Variants in RBMS3 observed in about 807,000 individuals in gnomAD.
RBMS3 encodes RNA binding motif single stranded interacting protein 3, also known as RNA-binding motif, single-stranded-interacting protein 3.
RBMS3 carries 27 observed loss-of-function variants against 66.8 expected under a neutral mutation model. The ratio of observed to expected loss-of-function variants is 0.40; its 90% CI spans 0.30 to 0.56. The LOEUF (loss-of-function observed/expected upper bound fraction) is 0.56, where lower values mean the gene tolerates loss of function less well. Ranked by LOEUF, RBMS3 falls within the 20% of genes least tolerant of loss-of-function variation. RBMS3 has a pLI of 0.40. For missense variants in RBMS3, 513 were observed against 549.5 expected (o/e 0.93, Z 0.66); for synonymous variants, 188 against 183.0 (o/e 1.03, Z -0.22).
At chr3:29,979,657 A>T (rs189778439) in intron 12 of RBMS3, among the ~76,000 whole-genome samples, 1 of 151,490 alleles carries the variant, frequency 6.6e-6, no homozygotes, top group African/African-American at 2.4e-5. Flanking sequence ...TCATTGTTCA[A>T]CTCCCACTTA....
intron 2 of RBMS3, among the ~76,000 whole-genome samples, chr3:29,488,082 GA>G (rs2043389310): frequency 2.6e-5 from 4 of 152,192 alleles, no homozygotes; most frequent in Non-Finnish European, 4.4e-5. Context: ...CACAAGGTGA[GA>G]GTCAGAGCTG....
chr3:29,360,564 T>C (rs1334079314), intron 1 of RBMS3, among the ~76,000 whole-genome samples: 3 of 152,004 alleles, frequency 2.0e-5, no homozygotes, highest in African/African-American at 7.3e-5. Flanking sequence ...CTATTAGGTC[T>C]GCTTGGTGCA....
chr3:29,559,272 TG>T (rs1423235164), intron 3 of RBMS3, among the ~76,000 whole-genome samples: 1 of 151,938 alleles, frequency 6.6e-6, no homozygotes, highest in Non-Finnish European at 1.5e-5. Flanking sequence ...ATTGTCTTCT[TG>T]GTAAAGCTCC....
intron 3 of RBMS3, among the ~76,000 whole-genome samples, chr3:29,541,550 C>T (rs1266172294): frequency 2.0e-5 from 3 of 152,114 alleles, no homozygotes; most frequent in African/African-American, 4.8e-5. Context: ...GCCACAACCT[C>T]GTGTAAGCGC....
chr3:29,931,415 A>G (rs2061120935), intron 10 of RBMS3, among the ~76,000 whole-genome samples: 1 of 152,176 alleles, frequency 6.6e-6, no homozygotes. Flanking sequence ...GCATTTGTCA[A>G]ATCCTTCCAA....
chr3:29,771,449 C>A (rs1222244092), intron 6 of RBMS3, among the ~76,000 whole-genome samples: 1 of 151,870 alleles, frequency 6.6e-6, no homozygotes, highest in Non-Finnish European at 1.5e-5. Context: ...AAGCAAATAC[C>A]TAGTTGTGGT....
intron 1 of RBMS3, among the ~76,000 whole-genome samples, chr3:29,318,349 A>G (rs1195582465): frequency 6.6e-6 from 1 of 151,894 alleles, no homozygotes; most frequent in Non-Finnish European, 1.5e-5. Flanking sequence ...GCAAGACAAA[A>G]TGATCATTCA....
rs2059798575 is a variant in RBMS3 at position 29,884,017 on chromosome 3, G to T, written c.745-145G>T. 3 of 622,306 alleles carry T rather than the reference G, an allele frequency of 4.8e-6. No individual in the cohort carries two copies. In the Admixed American group the frequency reaches 9.8e-5, roughly 20 times the overall value. The allele number at this position is 622,306 out of a possible 1,614,324, so 38.5% of individuals were successfully genotyped here. ...TGTGGATAGTAAAAATGCTAGTCTT[G>T]GCAGTAAGCATAGAGATATACATAG... On this transcript the variant is annotated intron_variant, in intron 7 of 14. Coordinates refer to ENST00000383767, the MANE Select transcript of RBMS3 (RefSeq NM_001003793.3).
chr3:29,860,924 C>A (rs949752835), intron 6 of RBMS3, among the ~76,000 whole-genome samples: 3 of 152,152 alleles, frequency 2.0e-5, no homozygotes, highest in Admixed American at 2.0e-4. Context: ...GGCTGGAATG[C>A]AGTGAGCTCT....
chr3:29,489,145 G>A (rs1271016308), intron 3 of RBMS3, among the ~76,000 whole-genome samples: 1 of 152,104 alleles, frequency 6.6e-6, no homozygotes, highest in Non-Finnish European at 1.5e-5. Flanking sequence ...AGTTCTTACT[G>A]GAAAATTGGA....
intron 5 of RBMS3, among the ~76,000 whole-genome samples, chr3:29,755,887 A>G (rs2055390928): frequency 6.6e-6 from 1 of 152,216 alleles, no homozygotes; most frequent in Non-Finnish European, 1.5e-5. Context: ...AGCAGGACAG[A>G]GAGGACATTT....
chr3:29,602,634 C>A (rs1056791107), intron 4 of RBMS3, among the ~76,000 whole-genome samples: 1 of 151,940 alleles, frequency 6.6e-6, no homozygotes, highest in African/African-American at 2.4e-5. Flanking sequence ...TCCAAAAGAA[C>A]TGATTTTTTT....
intron 4 of RBMS3, among the ~76,000 whole-genome samples, chr3:29,690,898 G>A (rs1207874318): frequency 1.3e-5 from 2 of 152,160 alleles, no homozygotes; most frequent in Non-Finnish European, 2.9e-5. Flanking sequence ...TCATGGAACT[G>A]AAAATCTGTC....
chr3:29,602,043 C>T (rs2048162872), intron 4 of RBMS3, among the ~76,000 whole-genome samples: 1 of 152,010 alleles, frequency 6.6e-6, no homozygotes, highest in African/African-American at 2.4e-5. Flanking sequence ...CTAAATAAAT[C>T]CCTTAATGCT....
intron 1 of RBMS3, among the ~76,000 whole-genome samples, chr3:29,356,683 T>C (rs2037240314): frequency 6.6e-6 from 1 of 152,218 alleles, no homozygotes; most frequent in Non-Finnish European, 1.5e-5. Context: ...TACACATTCA[T>C]GTGATTGGTC....
chr3:29,323,148 T>C (rs1399532927), intron 1 of RBMS3, among the ~76,000 whole-genome samples: 2 of 152,178 alleles, frequency 1.3e-5, no homozygotes, highest in African/African-American at 4.8e-5. Context: ...ATCTCCACCT[T>C]TGAAGGTGCT....
chr3:29,564,838 A>G (rs1349687397), intron 3 of RBMS3, among the ~76,000 whole-genome samples: 1 of 152,144 alleles, frequency 6.6e-6, no homozygotes, highest in Non-Finnish European at 1.5e-5. Context: ...TTTAAAGACA[A>G]TGCCATAGTT....
intron 3 of RBMS3, among the ~76,000 whole-genome samples, chr3:29,493,226 C>A (rs77761984): frequency 0.077 from 11,669 of 152,124 alleles, 527 homozygotes; most frequent in East Asian, 0.16. Context: ...GAAGTTAAAT[C>A]AATATAAAGG....
At chr3:29,403,566 C>G (rs2039896723) in intron 1 of RBMS3, among the ~76,000 whole-genome samples, 1 of 152,020 alleles carries the variant, frequency 6.6e-6, no homozygotes, top group African/African-American at 2.4e-5. Flanking sequence ...TAAGGCAGAT[C>G]AGACTGGAAG....
Sources: gnomAD v4.1 joint callset for allele counts (sites outside exome capture counted in the v4.1 genomes callset) on GRCh38, gnomAD v4.1.1 for gene constraint, MANE v1.5 for transcripts, NCBI Gene and HGNC (gene_info 2026-07-23, HGNC 2026-07-21) for gene names.